The following CLEC16A variants were observed in gnomAD, a reference collection of about 807,000 sequenced individuals.
CLEC16A encodes the protein C-type lectin domain containing 16A.
Under a neutral mutation model 109.5 loss-of-function variants are expected in CLEC16A, and 51 were observed. The observed-to-expected ratio is 0.47, with a 90% CI of 0.37 to 0.59. CLEC16A has a LOEUF of 0.59. CLEC16A is among the 20% of genes least tolerant of loss of function. CLEC16A has a pLI of 0.00. For synonymous variants in CLEC16A, 673 were observed against 564.2 expected (o/e 1.19, Z -2.73); for missense variants, 1,339 against 1,394.0 (o/e 0.96, Z 0.63).
chr16:10,989,344 C>A (rs769623230), intron 10 of CLEC16A, among the ~76,000 whole-genome samples: 3 of 152,288 alleles, frequency 2.0e-5, no homozygotes, highest in Non-Finnish European at 4.4e-5. Flanking sequence ...CCTCAGCCTC[C>A]TGAGTAGCTG....
At chr16:11,091,042 C>T (rs971408429) in intron 19 of CLEC16A, among the ~76,000 whole-genome samples, 1 of 152,050 alleles carries the variant, frequency 6.6e-6, no homozygotes, top group Non-Finnish European at 1.5e-5. Flanking sequence ...TCAAGCACCC[C>T]GCCCACCTTG....
intron 22 of CLEC16A, among the ~76,000 whole-genome samples, chr16:11,147,162 T>C (rs772610803): frequency 5.9e-5 from 9 of 152,124 alleles, no homozygotes; most frequent in South Asian, 4.1e-4. Context: ...AAGGAATGAA[T>C]ATGTTGCTGC....
intron 16 of CLEC16A, among the ~76,000 whole-genome samples, chr16:11,045,722 T>C (rs957526343): frequency 6.6e-6 from 1 of 152,206 alleles, no homozygotes; most frequent in African/African-American, 2.4e-5. Context: ...GTTTCCCCTC[T>C]TAACGTGGCT....
intron 19 of CLEC16A, among the ~76,000 whole-genome samples, chr16:11,074,131 A>G (rs2152930182): frequency 6.6e-6 from 1 of 151,732 alleles, no homozygotes; most frequent in South Asian, 2.1e-4. Flanking sequence ...TCTAAGGGCT[A>G]AAATGCTTCC....
At chr16:11,046,073 C>T (rs2047619774) in intron 16 of CLEC16A, among the ~76,000 whole-genome samples, 1 of 152,150 alleles carries the variant, frequency 6.6e-6, no homozygotes, top group Admixed American at 6.5e-5. Flanking sequence ...ACTAGCAAAG[C>T]CCACGAGAAA....
chr16:11,032,968 G>T (rs2046829076), intron 13 of CLEC16A, among the ~76,000 whole-genome samples: 1 of 152,172 alleles, frequency 6.6e-6, no homozygotes, highest in Admixed American at 6.5e-5. Context: ...TTGGCTACCA[G>T]ACAGAAAGTA....
At chr16:11,145,295 G>A (rs1350509966) in intron 22 of CLEC16A, among the ~76,000 whole-genome samples, 7 of 152,170 alleles carry the variant, frequency 4.6e-5, no homozygotes, top group Non-Finnish European at 5.9e-5. Flanking sequence ...GGCTACCCGT[G>A]GGGCCCGATG....
intron 13 of CLEC16A, among the ~76,000 whole-genome samples, chr16:11,030,016 C>T (rs990602274): frequency 1.3e-5 from 2 of 152,118 alleles, no homozygotes; most frequent in Non-Finnish European, 2.9e-5. Flanking sequence ...TCTTTCAATC[C>T]ACTTAATTAT....
chr16:11,043,746 T>C lies in CLEC16A; in HGVS notation c.1771-282T>C, dbSNP rs184924991. On this transcript the variant is annotated intron_variant, in intron 15 of 23. Coordinates refer to ENST00000409790, the MANE Select transcript of CLEC16A (RefSeq NM_015226.3). ...CAGGCATGGTGATGGGTGCCTGTAA[T>C]ACCAGCTACTCGGGAGGTTGAGACA... Among the ~76,000 whole-genome samples, 4 of 152,124 alleles carry C rather than the reference T, an allele frequency of 2.6e-5. No individual in the cohort carries two copies. The East Asian group carries it at 7.7e-4, about 29-fold the overall frequency.
chr16:11,147,789 G>T (rs1018583241), intron 22 of CLEC16A, among the ~76,000 whole-genome samples: 5 of 152,134 alleles, frequency 3.3e-5, no homozygotes, highest in African/African-American at 1.2e-4. Flanking sequence ...TATCTCATTT[G>T]TGTCCCATTT....
intron 10 of CLEC16A, among the ~76,000 whole-genome samples, chr16:10,987,202 T>C (rs1040042813): frequency 4.6e-5 from 7 of 152,182 alleles, no homozygotes; most frequent in Admixed American, 1.3e-4. Flanking sequence ...GAGATAATTA[T>C]AGATTTGCGT....
At chr16:11,103,165 C>T (rs559015709) in intron 19 of CLEC16A, among the ~76,000 whole-genome samples, 37 of 152,362 alleles carry the variant, frequency 2.4e-4, no homozygotes, top group Non-Finnish European at 4.6e-4. Flanking sequence ...GTGCTGGGCC[C>T]ACAAGGGTCA....
At position 10,954,550 on chromosome 16, in the gene CLEC16A, A is replaced by T. The variant is rs972850492; in HGVS notation, c.81-3232A>T. Among the ~76,000 whole-genome samples the T allele has an allele frequency of 6.6e-6, 1 of 152,212 alleles. No individual in the cohort carries two copies. The highest frequency in any genetic ancestry group is 2.4e-5 in the African/African-American group (1 of 41,444). On this transcript the variant is annotated intron_variant, in intron 1 of 23. Coordinates refer to ENST00000409790, the MANE Select transcript of CLEC16A (RefSeq NM_015226.3). This position sits in a 1 kb window ranked among gnomAD's most constrained non-coding sequence, Gnocchi z 4.2. Reference sequence around the variant, plus strand: ...AAAATAGGTAGATACTAAAGTATTCAGGTACCATTGCTGTTTACATTTTAC... The same window carrying T: ...AAAATAGGTAGATACTAAAGTATTCTGGTACCATTGCTGTTTACATTTTAC...
At chr16:11,133,055 C>G (rs2053324538) in intron 22 of CLEC16A, among the ~76,000 whole-genome samples, 1 of 152,154 alleles carries the variant, frequency 6.6e-6, no homozygotes. Flanking sequence ...CACTTCCTGT[C>G]CCAGCTTCCT....
rs1455849148 is a variant in CLEC16A at position 10,979,391 on chromosome 16, G to C, written c.957+9G>C. On this transcript the variant is annotated intron_variant, in intron 9 of 23. Coordinates refer to ENST00000409790, the MANE Select transcript of CLEC16A (RefSeq NM_015226.3). The stretch of plus-strand genomic sequence containing the variant: ...TTTATCTTCTGTCACAGGTATGCTT[G>C]ATCATTCACCAATGTCCCCACTACA... 16 of 1,611,990 alleles carry C rather than the reference G, an allele frequency of 9.9e-6. No homozygotes were observed. Among genetic ancestry groups the C allele is most frequent in the Non-Finnish European group, 1.3e-5 (15 of 1,179,178 alleles).
chr16:11,053,301 A>C (rs2048044393), intron 18 of CLEC16A, among the ~76,000 whole-genome samples: 1 of 152,138 alleles, frequency 6.6e-6, no homozygotes, highest in Non-Finnish European at 1.5e-5. Context: ...CTTTATGTGA[A>C]TTTCCTCATT....
chr16:11,119,943 TTTG>T (rs750419683), intron 19 of CLEC16A, among the ~76,000 whole-genome samples: 2 of 131,572 alleles, frequency 1.5e-5, no homozygotes, highest in Non-Finnish European at 3.2e-5. Flanking sequence ...TGCTGATTGT[TTTG>T]TTGTTTTGTT....
At chr16:11,089,507 A>G (rs1350011134) in intron 19 of CLEC16A, among the ~76,000 whole-genome samples, 2 of 152,084 alleles carry the variant, frequency 1.3e-5, no homozygotes. Flanking sequence ...AAATTGCTCA[A>G]ATTGCCCTCC....
At chr16:11,081,850 G>T (rs1205268951) in intron 19 of CLEC16A, among the ~76,000 whole-genome samples, 1 of 152,178 alleles carries the variant, frequency 6.6e-6, no homozygotes, top group African/African-American at 2.4e-5. Context: ...AAATAAATGT[G>T]CCTTTTTGTT....
Sources: allele counts gnomAD v4.1 joint callset (sites outside exome capture counted in the v4.1 genomes callset), GRCh38; gene constraint gnomAD v4.1.1; non-coding constraint Gnocchi (gnomAD v3.1); transcripts MANE v1.5; gene names NCBI Gene and HGNC (gene_info 2026-07-23, HGNC 2026-07-21).